TP53BP2: variants seen among roughly 807,000 people sequenced by gnomAD.
TP53BP2 encodes apoptosis-stimulating of p53 protein 2.
A neutral mutation model predicts 126.2 loss-of-function variants in TP53BP2; 62 were observed. The ratio of observed to expected loss-of-function variants is 0.49; its 90% CI spans 0.40 to 0.61. The LOEUF (loss-of-function observed/expected upper bound fraction) is 0.61. TP53BP2 is among the 20% of genes least tolerant of loss of function. The probability of loss-of-function intolerance (pLI) is 0.00; values close to 1 mark genes in which losing one functional copy is unlikely to be tolerated. For synonymous variants in TP53BP2, 485 were observed against 502.9 expected (o/e 0.96, Z 0.48); for missense variants, 1,215 against 1,402.8 (o/e 0.87, Z 2.14).
chr1:223,837,164 G>GGGA (rs57477382), intron 1 of TP53BP2, among the ~76,000 whole-genome samples: 6 of 81,994 alleles, frequency 7.3e-5, no homozygotes, highest in Admixed American at 6.8e-4. Context: ...AAGGGGGGGG[G>GGGA]CGGGGGGTCA....
chr1:223,810,379 A>G (rs1035979468), intron 4 of TP53BP2, 52 bp downstream of exon 4: 1 of 1,329,632 alleles, frequency 7.5e-7, no homozygotes, highest in Non-Finnish European at 1.0e-6. Context: ...TTTAAAGTTA[A>G]AAAATATGTA....
chr1:223,783,964 G>A, intron 17 of TP53BP2, 151 bp downstream of exon 17: 1 of 706,738 alleles, frequency 1.4e-6, no homozygotes, highest in Non-Finnish European at 2.4e-6. Context: ...CACTGAAAAT[G>A]AGGCTTTAAG....
chr1:223,813,768 T>G (rs538319882), intron 3 of TP53BP2, among the ~76,000 whole-genome samples: 1 of 152,076 alleles, frequency 6.6e-6, no homozygotes, highest in Admixed American at 6.5e-5. Context: ...GTAAGCCCTC[T>G]CTCCTAATCT....
At chr1:223,783,595 C>G (rs932371352) in intron 17 of TP53BP2, among the ~76,000 whole-genome samples, 5 of 152,364 alleles carry the variant, frequency 3.3e-5, no homozygotes, top group African/African-American at 1.2e-4. Context: ...TCTCCTCTGT[C>G]TGACCATACG....
chr1:223,822,671 A>C (rs1344004312), intron 1 of TP53BP2, among the ~76,000 whole-genome samples: 7 of 152,026 alleles, frequency 4.6e-5, no homozygotes, highest in South Asian at 2.1e-4. Flanking sequence ...AAAAAAAAAA[A>C]AACAACAAAA....
chr1:223,783,581 T>G (rs1204070631), intron 17 of TP53BP2, among the ~76,000 whole-genome samples: 2 of 152,218 alleles, frequency 1.3e-5, no homozygotes, highest in Non-Finnish European at 2.9e-5. Flanking sequence ...TTATTCTCGC[T>G]TTCTCTCCTC....
In TP53BP2 at chr1:223,810,513, A is replaced by G; in HGVS notation, c.290T>C (p.Val97Ala). 1 of 1,597,036 alleles carries G rather than the reference A, an allele frequency of 6.3e-7. No homozygotes were observed. The highest frequency in any genetic ancestry group is 8.5e-7 in the Non-Finnish European group (1 of 1,171,354). ...RHERPPGRDI[V>A]SGPRSQDPSL... is the part of the protein sequence containing the mutation. ...TGGATCCTGAGATCTTGGTCCACTC[A>G]CTAAGGACAAAATTCAAAAACTATG... is the stretch of plus-strand genomic sequence containing the variant. Residue 97 changes from valine to alanine, a missense_variant and splice_region_variant, in exon 4 of 18, where the codon GTG becomes GCG. Physicochemically the swap from Val to Ala is moderately conservative, Grantham distance 64. Transcript: ENST00000343537.
In TP53BP2 at chr1:223,799,698, T is replaced by C. The variant is rs372920530; in HGVS notation, c.1485+201A>G. ...CATGAAATATGACCCAAAACAAGCA[T>C]GTCAGCCATTCTCCCACCGGGTGTG... On this transcript the variant is annotated intron_variant, in intron 11 of 17. Coordinates refer to ENST00000343537, the MANE Select transcript of TP53BP2 (RefSeq NM_001031685.3). Among the ~76,000 whole-genome samples, 7 of 152,322 alleles carry C rather than the reference T, an allele frequency of 4.6e-5. No homozygotes were observed. In the East Asian group the frequency reaches 1.3e-3, roughly 29 times the overall value.
intron 4 of TP53BP2, 98 bp from the exon 5 acceptor site, chr1:223,807,045 CAACT>C (rs1279826332): frequency 1.5e-5 from 11 of 755,002 alleles, no homozygotes; most frequent in Non-Finnish European, 4.3e-6. Flanking sequence ...TCATATGAAC[CAACT>C]ATGACAAAAT....
intron 1 of TP53BP2, chr1:223,826,064 G>A (rs1026789757): frequency 6.6e-6 from 1 of 152,230 alleles, no homozygotes; most frequent in African/African-American, 2.4e-5. Context: ...ACCATCTAAA[G>A]GAAGTGAGGA....
intron 1 of TP53BP2, among the ~76,000 whole-genome samples, chr1:223,833,353 CACTT>C (rs1326039525): frequency 6.6e-6 from 1 of 152,148 alleles, no homozygotes. Flanking sequence ...TTCCTTTGCT[CACTT>C]ACAGCAAGTT....
intron 16 of TP53BP2, among the ~76,000 whole-genome samples, chr1:223,785,231 C>T (rs1441237878): frequency 6.6e-6 from 1 of 152,164 alleles, no homozygotes; most frequent in Non-Finnish European, 1.5e-5. Context: ...TTAGCTTTTT[C>T]AACTTATGTG....
chr1:223,826,851 A>G (rs953931130), intron 1 of TP53BP2, among the ~76,000 whole-genome samples: 1 of 152,214 alleles, frequency 6.6e-6, no homozygotes, highest in African/African-American at 2.4e-5. Flanking sequence ...ATACGATGGT[A>G]GCACAGACTG....
intron 17 of TP53BP2, among the ~76,000 whole-genome samples, chr1:223,781,974 ACT>A (rs1558085138): frequency 6.6e-6 from 1 of 151,648 alleles, no homozygotes; most frequent in African/African-American, 2.4e-5. Flanking sequence ...GAGAGAAAAC[ACT>A]CTCTGACCCA....
chr1:223,782,847 A>C (rs1661818866), intron 17 of TP53BP2, among the ~76,000 whole-genome samples: 1 of 152,210 alleles, frequency 6.6e-6, no homozygotes, highest in Non-Finnish European at 1.5e-5. Context: ...CCAAATGAAT[A>C]CTGTCTAATC....
At chr1:223,821,030 G>T in intron 2 of TP53BP2, 190 bp downstream of exon 2, 2 of 683,394 alleles carry the variant, frequency 2.9e-6, no homozygotes, top group Non-Finnish European at 2.4e-6. Context: ...CCATTTTATT[G>T]GAGAAAAAGA....
At chr1:223,802,685 A>G in intron 8 of TP53BP2, 46 bp downstream of exon 8, 1 of 1,607,070 alleles carries the variant, frequency 6.2e-7, no homozygotes. Context: ...TGGGCTGGTC[A>G]TCTTTTTCCC....
intron 16 of TP53BP2, among the ~76,000 whole-genome samples, chr1:223,784,739 T>C (rs1407511093): frequency 6.6e-6 from 1 of 152,296 alleles, no homozygotes. Context: ...CTTCATTCTT[T>C]ACCCAAAATT....
chr1:223,795,636 A>C (rs1182581484), intron 13 of TP53BP2, among the ~76,000 whole-genome samples, 179 bp downstream of exon 13: 1 of 152,202 alleles, frequency 6.6e-6, no homozygotes, highest in Non-Finnish European at 1.5e-5. Flanking sequence ...TTCTCTCTAA[A>C]ACAGAAAAAT....
Sources: gnomAD v4.1 joint callset for allele counts (sites outside exome capture counted in the v4.1 genomes callset) on GRCh38, gnomAD v4.1.1 for gene constraint, MANE v1.5 for transcripts, NCBI Gene and HGNC (gene_info 2026-07-23, HGNC 2026-07-21) for gene names.